Variants in KIF20B observed in about 807,000 individuals in gnomAD.
KIF20B encodes kinesin family member 20B, also known as kinesin-like protein KIF20B.
Under a neutral mutation model 232.5 loss-of-function variants are expected in KIF20B, and 188 were observed. The observed-to-expected ratio is 0.81, with a 90% confidence interval of 0.72 to 0.91. The LOEUF (loss-of-function observed/expected upper bound fraction) is 0.91, where lower values mean the gene tolerates loss of function less well. Ranked by LOEUF, KIF20B falls within the 40% of genes least tolerant of loss-of-function variation. The probability of loss-of-function intolerance (pLI) is 0.00; values close to 1 mark genes in which losing one functional copy is unlikely to be tolerated. For missense variants in KIF20B, 2,154 were observed against 2,055.9 expected, an observed-to-expected ratio of 1.05 and a Z score of -0.92; for synonymous variants, 712 against 683.0, an observed-to-expected ratio of 1.04 and a Z score of -0.66.
At chr10:89,712,751 A>G (rs1473630778) in intron 6 of KIF20B, among the ~76,000 whole-genome samples, 1 of 152,150 alleles carries the variant, frequency 6.6e-6, no homozygotes, top group African/African-American at 2.4e-5. Context: ...ATGAAGTTAT[A>G]CTTGTCTGTT....
intron 1 of KIF20B, among the ~76,000 whole-genome samples, chr10:89,702,247 C>T (rs1490030449): frequency 6.6e-6 from 1 of 152,166 alleles, no homozygotes; most frequent in Non-Finnish European, 1.5e-5. Context: ...TATTTCCAGA[C>T]TACTCCTACT....
intron 2 of KIF20B, 103 bp from the exon 3 acceptor site, chr10:89,709,064 T>C: frequency 1.3e-6 from 1 of 756,844 alleles, no homozygotes; most frequent in African/African-American, 1.8e-5. Context: ...AAATTCTTTA[T>C]CATCTCAGAT....
intron 1 of KIF20B, among the ~76,000 whole-genome samples, chr10:89,702,484 TGTCCAA>T (rs762068676): frequency 6.6e-6 from 1 of 152,256 alleles, no homozygotes; most frequent in Non-Finnish European, 1.5e-5. Context: ...TTATCTTACA[TGTCCAA>T]GACTCCAGAT....
intron 28 of KIF20B, 121 bp from the exon 29 acceptor site, chr10:89,762,517 T>C (rs1842263733): frequency 2.9e-6 from 2 of 678,046 alleles, no homozygotes; most frequent in East Asian, 2.7e-5. Flanking sequence ...TGCTGTGATC[T>C]AGCACGCTTT....
chr10:89,753,485 G>A (rs572099181), intron 25 of KIF20B, among the ~76,000 whole-genome samples: 13 of 152,214 alleles, frequency 8.5e-5, no homozygotes, highest in Middle Eastern at 3.4e-3. Flanking sequence ...TGTATCAACC[G>A]TATTGAGAAT....
At chr10:89,754,327 G>A (rs184980340) in intron 25 of KIF20B, among the ~76,000 whole-genome samples, 191 bp from the exon 26 acceptor site, 12 of 151,942 alleles carry the variant, frequency 7.9e-5, no homozygotes, top group East Asian at 5.8e-4. Flanking sequence ...AATGAAATGC[G>A]TTTAGGAAAG....
At chr10:89,719,384 T>C (rs763926322) in intron 12 of KIF20B, 35 bp from the exon 13 acceptor site, 3 of 1,442,176 alleles carry the variant, frequency 2.1e-6, no homozygotes, top group African/African-American at 2.9e-5. Flanking sequence ...TTCTTGTCTT[T>C]TCTGTTTTAA....
At chr10:89,714,775 A>G (rs1842904111) in intron 7 of KIF20B, among the ~76,000 whole-genome samples, 180 bp from the exon 8 acceptor site, 1 of 152,194 alleles carries the variant, frequency 6.6e-6, no homozygotes, top group Non-Finnish European at 1.5e-5. Flanking sequence ...GAAGTTGTCT[A>G]ACTTTGGTTA....
At chr10:89,727,072 A>G (rs1452416189) in intron 16 of KIF20B, among the ~76,000 whole-genome samples, 3 of 151,776 alleles carry the variant, frequency 2.0e-5, no homozygotes, top group East Asian at 3.9e-4. Context: ...TCGGCCTCCC[A>G]AAGTGCTGGG....
At chr10:89,720,442 C>T (rs2133100245) in intron 13 of KIF20B, among the ~76,000 whole-genome samples, 1 of 152,232 alleles carries the variant, frequency 6.6e-6, no homozygotes, top group South Asian at 2.1e-4. Flanking sequence ...GTTAAGATAA[C>T]AGTATTTCAG....
chr10:89,758,140 C>T (rs1842168717), intron 26 of KIF20B, among the ~76,000 whole-genome samples: 2 of 151,956 alleles, frequency 1.3e-5, no homozygotes, highest in Non-Finnish European at 2.9e-5. Flanking sequence ...TCACACATAC[C>T]TGAATTTTGA....
intron 21 of KIF20B, among the ~76,000 whole-genome samples, chr10:89,739,325 CTTCT>C (rs2133130425): frequency 6.6e-6 from 1 of 152,118 alleles, no homozygotes; most frequent in African/African-American, 2.4e-5. Context: ...TAGTCTTTTT[CTTCT>C]TTAAGAATTG....
chr10:89,727,730 A>C (rs1204246978), intron 16 of KIF20B, 126 bp from the exon 17 acceptor site: 12 of 839,618 alleles, frequency 1.4e-5, no homozygotes, highest in Non-Finnish European at 1.9e-5. Context: ...TTCTAGTGCT[A>C]TCAAAATCCT....
chr10:89,728,979 C>A (rs558765580), intron 17 of KIF20B, 149 bp from the exon 18 acceptor site: 5 of 532,156 alleles, frequency 9.4e-6, no homozygotes, highest in Non-Finnish European at 1.1e-5. Flanking sequence ...AAAATAAGAT[C>A]ATGCTGTGCA....
In KIF20B at chr10:89,738,578, A is replaced by C; in HGVS notation, c.3737A>C (p.Lys1246Thr). 6.8e-7 allele frequency: 1 copy of C among 1,472,728 alleles called. No homozygotes were observed. Among genetic ancestry groups the C allele is most frequent in the Non-Finnish European group, 9.1e-7 (1 of 1,097,806 alleles). 91.2% of individuals were successfully genotyped at this position (1,472,728 alleles called of 1,614,324 possible). ...GATATGAAACATTTACTTCAATTAA[A>C]AGAAGAAGAAGAAGAAACCAACAGG... ...LQDMKHLLQL[K>T]EEEEETNRQE... is the part of the protein sequence containing the mutation. Residue 1246 changes from lysine (K) to threonine (T), a missense_variant, in exon 20 of 33, where the codon AAA (lysine) becomes ACA (threonine). By Grantham distance (78) the Lys-to-Thr change is moderately conservative (BLOSUM62 -1). Transcript: ENST00000371728.
chr10:89,753,525 G>T (rs1680797821), intron 25 of KIF20B, among the ~76,000 whole-genome samples: 1 of 152,158 alleles, frequency 6.6e-6, no homozygotes, highest in South Asian at 2.1e-4. Context: ...TGTGTATTTT[G>T]CATTGTTCTA....
chr10:89,757,229 A>G (rs977042954), intron 26 of KIF20B, among the ~76,000 whole-genome samples: 2 of 151,756 alleles, frequency 1.3e-5, no homozygotes, highest in Non-Finnish European at 2.9e-5. Flanking sequence ...AGTTTTTAAA[A>G]TGGTTTTAAT....
At chr10:89,747,274 T>C (rs1174809159) in intron 23 of KIF20B, among the ~76,000 whole-genome samples, 1 of 151,986 alleles carries the variant, frequency 6.6e-6, no homozygotes. Context: ...GGGAACACTT[T>C]TACACTGTTG....
chr10:89,751,348 C>A lies in KIF20B; in HGVS notation c.4099C>A (p.Leu1367Ile). The A allele has an allele frequency of 6.3e-7, 1 of 1,594,306 alleles. No individual in the cohort carries two copies. Among genetic ancestry groups the A allele is most frequent in the South Asian group, 1.2e-5 (1 of 85,176 alleles). The part of the protein sequence containing the change: ...IQQYERACKD[L>I]NVKEKIIEDM... ...AAATGTTCTCCCCCGATTTTTAGAT[C>A]TAAATGTTAAAGAGAAAATAATTGA... Residue 1367 changes from leucine to isoleucine, a missense_variant and splice_region_variant, in exon 24 of 33, where the codon CTA (leucine) becomes ATA (isoleucine). Coordinates refer to ENST00000371728, the MANE Select transcript of KIF20B (RefSeq NM_001284259.2).
Sources: gnomAD v4.1 joint callset for allele counts (sites outside exome capture counted in the v4.1 genomes callset) on GRCh38, gnomAD v4.1.1 for gene constraint, MANE v1.5 for transcripts, NCBI Gene and HGNC (gene_info 2026-07-23, HGNC 2026-07-21) for gene names.